Variants in FRMD4A observed in about 807,000 individuals in gnomAD.
The protein encoded by FRMD4A is FERM domain containing 4A, also known as FERM domain-containing protein 4A.
In FRMD4A, 29 loss-of-function variants were observed where a neutral mutation model predicts 129.1. That is an observed-to-expected ratio of 0.22 (90% confidence interval 0.17 to 0.31). The LOEUF is 0.31. Ranked by LOEUF, FRMD4A falls within the 10% of genes least tolerant of loss-of-function variation. The pLI is 1.00. For missense variants in FRMD4A, 1,272 were observed against 1,375.8 expected (o/e 0.92, Z 1.19); for synonymous variants, 634 against 571.6 (o/e 1.11, Z -1.56).
At chr10:14,219,632 C>G (rs1181284896) in intron 2 of FRMD4A, among the ~76,000 whole-genome samples, 1 of 152,034 alleles carries the variant, frequency 6.6e-6, no homozygotes, top group African/African-American at 2.4e-5. Context: ...CCTGACTGTT[C>G]CCAAGAACTG....
intron 2 of FRMD4A, among the ~76,000 whole-genome samples, chr10:13,975,562 G>A (rs1366991204): frequency 6.6e-6 from 1 of 151,640 alleles, no homozygotes; most frequent in Non-Finnish European, 1.5e-5. Flanking sequence ...ATCTATGTGT[G>A]TGTCTGTGTC....
At chr10:14,240,635 C>A (rs559305424) in intron 2 of FRMD4A, among the ~76,000 whole-genome samples, 22 of 152,106 alleles carry the variant, frequency 1.4e-4, no homozygotes, top group African/African-American at 4.6e-4. Flanking sequence ...ACCTGCATAA[C>A]GTTTAACCAT....
At position 13,657,405 on chromosome 10, in the gene FRMD4A, G is replaced by T; in HGVS notation, c.2184C>A (p.Pro728=). 6.2e-7 allele frequency: 1 copy of T among 1,612,812 alleles called. No individual in the cohort carries two copies. The highest frequency in any genetic ancestry group is 8.5e-7 in the Non-Finnish European group (1 of 1,179,876). ...TACGAGTCCGCGGGGTGTAGAAGTCGGGGCTCCCGGTGTCGTTTTCCGAGC... is the reference window on the plus strand; with the variant it reads ...TACGAGTCCGCGGGGTGTAGAAGTCTGGGCTCCCGGTGTCGTTTTCCGAGC... ...LLGSENDTGS[P]DFYTPRTRSS... The change falls in exon 22 of 25, where the codon CCC becomes CCA. Residue 728 remains proline (P), a synonymous_variant. Transcript: ENST00000357447.
chr10:14,070,232 G>C (rs1475484310), intron 2 of FRMD4A, among the ~76,000 whole-genome samples: 4 of 151,688 alleles, frequency 2.6e-5, no homozygotes, highest in African/African-American at 9.7e-5. Context: ...AGGGACCCCT[G>C]TGAGGTGTAA....
Position 13,670,448 on chromosome 10 carries a change from T to A in FRMD4A, c.1332A>T (p.Thr444=), listed in dbSNP as rs571240585. The change falls in exon 17 of 25, where the codon ACA becomes ACT. Residue 444 remains threonine, a synonymous_variant. Transcript: ENST00000357447. The part of the protein sequence containing the change: ...EPPIVRRRIG[T]AFKLDEQKIL... ...TTTTCTGTTCATCCAGTTTGAAGGC[T>A]GTTCCTATTCTTCTCCGAACAATGG... The A allele has an allele frequency of 1.2e-6, 2 of 1,613,574 alleles. No individual in the cohort carries two copies. Among genetic ancestry groups the A allele is most frequent in the Admixed American group, 3.3e-5 (2 of 60,012 alleles).
chr10:13,692,429 T>A (rs2134824415), intron 15 of FRMD4A: 1 of 152,354 alleles, frequency 6.6e-6, no homozygotes, highest in East Asian at 1.9e-4. Flanking sequence ...ATTACAGGCC[T>A]GAGCCACCAC....
chr10:14,289,876 C>CAA (rs565759954), intron 2 of FRMD4A, among the ~76,000 whole-genome samples: 14 of 151,118 alleles, frequency 9.3e-5, no homozygotes, highest in African/African-American at 3.4e-4. Flanking sequence ...TCCACACACA[C>CAA]AAAAAAAACT....
intron 2 of FRMD4A, among the ~76,000 whole-genome samples, chr10:14,194,929 T>C (rs531752387): frequency 6.6e-6 from 1 of 152,322 alleles, no homozygotes; most frequent in Admixed American, 6.5e-5. Context: ...TCAGATACTG[T>C]TAGCTTGAAA....
intron 2 of FRMD4A, among the ~76,000 whole-genome samples, chr10:13,996,439 T>C (rs914927956): frequency 3.3e-5 from 5 of 152,226 alleles, no homozygotes; most frequent in African/African-American, 1.2e-4. Context: ...CCCAGGCACA[T>C]AAATTTCACT....
intron 2 of FRMD4A, among the ~76,000 whole-genome samples, chr10:14,088,448 GAA>G (rs113913799): frequency 6.9e-5 from 7 of 100,978 alleles, no homozygotes; most frequent in Non-Finnish European, 6.3e-5. Flanking sequence ...CTTCCTAAAA[GAA>G]AAAAAAAAAA....
chr10:13,869,469 G>A (rs746061090), intron 2 of FRMD4A, among the ~76,000 whole-genome samples: 1 of 152,276 alleles, frequency 6.6e-6, no homozygotes, highest in Non-Finnish European at 1.5e-5. Context: ...ATTCCGCTGG[G>A]GCGGGTCCAC....
intron 8 of FRMD4A, chr10:13,755,986 G>A (rs763023262): frequency 6.6e-6 from 1 of 152,222 alleles, no homozygotes; most frequent in Non-Finnish European, 1.5e-5. Flanking sequence ...TAGGCAAAAC[G>A]TGGACCAAGA....
chr10:13,654,078 T>G, intron 23 of FRMD4A: 1 of 452,216 alleles, frequency 2.2e-6, no homozygotes, highest in Non-Finnish European at 3.9e-6. Context: ...TTGCCTGGCA[T>G]TTTGAGTCAG....
chr10:13,773,295 C>A (rs751654169), intron 6 of FRMD4A, among the ~76,000 whole-genome samples: 5 of 152,186 alleles, frequency 3.3e-5, no homozygotes, highest in Non-Finnish European at 5.9e-5. Flanking sequence ...AAAAAGAGCA[C>A]CTTCAGTCCA....
At chr10:14,203,526 G>T (rs574498942) in intron 2 of FRMD4A, among the ~76,000 whole-genome samples, 2 of 152,360 alleles carry the variant, frequency 1.3e-5, no homozygotes, top group South Asian at 4.1e-4. Context: ...ACAATGTCAA[G>T]TGTCTGGCTT....
intron 2 of FRMD4A, among the ~76,000 whole-genome samples, chr10:14,221,361 T>C (rs1169357363): frequency 6.6e-6 from 1 of 152,156 alleles, no homozygotes; most frequent in Non-Finnish European, 1.5e-5. Context: ...TTGGTGGAGA[T>C]GTGGCCTAAT....
At chr10:13,787,867 C>CA (rs59902429) in intron 5 of FRMD4A, among the ~76,000 whole-genome samples, 3 of 54,070 alleles carry the variant, frequency 5.5e-5, no homozygotes, top group African/African-American at 1.5e-4. Context: ...AGATCTGTCT[C>CA]AAAAAAAAAG....
Position 13,955,298 on chromosome 10 carries a change from G to A in FRMD4A, c.46-96386C>T, listed in dbSNP as rs2095403747. On this transcript the variant is annotated intron_variant, in intron 2 of 24. Coordinates refer to ENST00000357447, the MANE Select transcript of FRMD4A (RefSeq NM_018027.5). ...AATTTTTGTATTTTTAGTGGAGACG[G>A]GGTTTCGCCATGTTGGCCAGGCTGG... Among the ~76,000 whole-genome samples the A allele has an allele frequency of 2.0e-5, 3 of 152,070 alleles. No individual in the cohort carries two copies. In the South Asian group the frequency reaches 6.2e-4, roughly 32 times the overall value.
chr10:14,240,712 A>G (rs539320759), intron 2 of FRMD4A, among the ~76,000 whole-genome samples: 12 of 152,360 alleles, frequency 7.9e-5, no homozygotes, highest in African/African-American at 1.9e-4. Context: ...CCTTCCACAC[A>G]GGCAGTGAAA....
Sources: allele counts gnomAD v4.1 joint callset (sites outside exome capture counted in the v4.1 genomes callset), GRCh38; gene constraint gnomAD v4.1.1; transcripts MANE v1.5; gene names NCBI Gene and HGNC (gene_info 2026-07-23, HGNC 2026-07-21).